The following MEF2A variants were observed in gnomAD, a reference collection of about 807,000 sequenced individuals.
The protein encoded by MEF2A is myocyte enhancer factor 2A.
In MEF2A, 28 loss-of-function variants were observed where a neutral mutation model predicts 55.8. The ratio of observed to expected loss-of-function variants is 0.50; its 90% confidence interval spans 0.37 to 0.69. The LOEUF (loss-of-function observed/expected upper bound fraction) is 0.69. MEF2A is among the 30% of genes least tolerant of loss of function. The probability of loss-of-function intolerance (pLI) is 0.00; values close to 1 mark genes in which losing one functional copy is unlikely to be tolerated. For synonymous variants in MEF2A, 239 were observed against 227.1 expected (o/e 1.05, Z -0.47); for missense variants, 528 against 626.2 (o/e 0.84, Z 1.67).
intron 2 of MEF2A, among the ~76,000 whole-genome samples, chr15:99,601,845 G>C (rs1344285730): frequency 7.6e-6 from 1 of 131,872 alleles, no homozygotes; most frequent in East Asian, 2.1e-4. Flanking sequence ...GTGTGTGTGT[G>C]TGTGTGTGTG....
rs1304325931 is a variant in MEF2A at position 99,671,395 on chromosome 15, T to C, written c.331T>C (p.Ser111Pro). 6.2e-7 allele frequency: 1 copy of C among 1,613,944 alleles called. No individual in the cohort carries two copies. Among genetic ancestry groups the C allele is most frequent in the Admixed American group, 1.7e-5 (1 of 60,032 alleles). Reference sequence around the variant, plus strand: ...CGATTACTTTGAGCACAGTCCACTCTCGGAGGACAGATTCAGCAAACTAAA... The same window carrying C: ...CGATTACTTTGAGCACAGTCCACTCCCGGAGGACAGATTCAGCAAACTAAA... ...ADDYFEHSPL[S>P]EDRFSKLNED... Residue 111 changes from serine (S) to proline (P), a missense_variant, in exon 5 of 12, where the codon TCG becomes CCG. Around this residue, in one of 2 missense-constraint regions of MEF2A, gnomAD observed 78 missense variants for 150.9 expected, o/e 0.52. Coordinates refer to ENST00000557942, the MANE Select transcript of MEF2A (RefSeq NM_001319206.4).
Position 99,712,460 on chromosome 15 carries a change from G to A in MEF2A, c.1207G>A (p.Glu403Lys), listed in dbSNP as rs2058744428. The part of the protein sequence containing the change: ...NTNQNISIKS[E>K]PISPPRDRMT... ...CAACCAAAACATCAGCATCAAGTCC[G>A]AACCGATTTCACCTCCTCGGGATCG... The change falls in exon 12 of 12, where the codon GAA becomes AAA. Residue 403 changes from glutamate to lysine, a missense_variant. Glu to Lys is a moderately conservative substitution (Grantham distance 56). This residue lies in a region of MEF2A where 450 missense variants were observed against 475.3 expected (regional missense o/e 0.95). Transcript: ENST00000557942. This position sits in a 1 kb window ranked among gnomAD's most constrained non-coding sequence, Gnocchi z 4.1. 16 of 1,551,314 alleles carry A rather than the reference G, an allele frequency of 1.0e-5. No individual in the cohort carries two copies. Among genetic ancestry groups the A allele is most frequent in the East Asian group, 2.4e-5 (1 of 40,892 alleles).
chr15:99,705,782 T>C (rs1159266438), intron 9 of MEF2A, among the ~76,000 whole-genome samples: 1 of 152,240 alleles, frequency 6.6e-6, no homozygotes, highest in Non-Finnish European at 1.5e-5. Flanking sequence ...TTTACTGATT[T>C]GGCTCAGACC....
intron 3 of MEF2A, among the ~76,000 whole-genome samples, chr15:99,640,219 G>C (rs569949661): frequency 1.2e-4 from 19 of 152,116 alleles, no homozygotes; most frequent in African/African-American, 4.3e-4. Flanking sequence ...GTGACTTTTT[G>C]TTTTTTGTTC....
At chr15:99,618,226 C>G (rs760755416) in intron 2 of MEF2A, among the ~76,000 whole-genome samples, 1 of 152,104 alleles carries the variant, frequency 6.6e-6, no homozygotes, top group Non-Finnish European at 1.5e-5. Context: ...TAAGAAGGAT[C>G]GAGAATCACT....
chr15:99,628,982 T>TTTTTTTC (rs2042483979), intron 2 of MEF2A, among the ~76,000 whole-genome samples: 1 of 138,134 alleles, frequency 7.2e-6, no homozygotes, highest in Non-Finnish European at 1.6e-5. Flanking sequence ...TTTTTTTTTG[T>TTTTTTTC]CAGATACAAA....
intron 8 of MEF2A, among the ~76,000 whole-genome samples, chr15:99,691,558 C>T (rs1287268167): frequency 1.3e-5 from 2 of 151,870 alleles, no homozygotes; most frequent in South Asian, 2.1e-4. Context: ...ATTAGCCGGG[C>T]GTGGTGGCGC....
intron 11 of MEF2A, among the ~76,000 whole-genome samples, chr15:99,711,588 G>C (rs751783870): frequency 6.6e-6 from 1 of 152,184 alleles, no homozygotes; most frequent in Non-Finnish European, 1.5e-5. Context: ...TGGCTGCCTT[G>C]CCTGTGCTCT....
chr15:99,710,144 C>T lies in MEF2A; in HGVS notation c.1010-490C>T, dbSNP rs199771331. 2.0e-5 allele frequency among the ~76,000 whole-genome samples: 3 copies of T among 152,206 alleles called. No homozygotes were observed. In the East Asian group the frequency reaches 5.8e-4, roughly 29 times the overall value. On this transcript the variant is annotated intron_variant, in intron 10 of 11. Transcript: ENST00000557942. ...AATCATCCCAGACAAAGAAATATTG[C>T]TAGATCCTGTAAATCTTCCAAGAAA...
At chr15:99,678,059 TAAC>T (rs1362090417) in intron 7 of MEF2A, among the ~76,000 whole-genome samples, 1 of 152,190 alleles carries the variant, frequency 6.6e-6, no homozygotes, top group East Asian at 1.9e-4. Flanking sequence ...CAAATTGAAT[TAAC>T]AAAACAAATA....
At chr15:99,605,853 G>A (rs994006349) in intron 2 of MEF2A, among the ~76,000 whole-genome samples, 1 of 151,964 alleles carries the variant, frequency 6.6e-6, no homozygotes, top group African/African-American at 2.4e-5. Flanking sequence ...GCCTGTAGTC[G>A]CAGCCACTCA....
At chr15:99,619,096 T>C (rs1464719038) in intron 2 of MEF2A, among the ~76,000 whole-genome samples, 1 of 152,172 alleles carries the variant, frequency 6.6e-6, no homozygotes, top group African/African-American at 2.4e-5. Flanking sequence ...AGAACCAGGC[T>C]GTGAGAGCGG....
chr15:99,566,182 G>A (rs1959206837), intron 1 of MEF2A, 78 bp downstream of exon 1: 1 of 140,990 alleles, frequency 7.1e-6, no homozygotes, highest in Non-Finnish European at 1.5e-5. Context: ...TTAGGGGACC[G>A]AGTAGGGGTT....
At chr15:99,623,764 A>G (rs1450619739) in intron 2 of MEF2A, among the ~76,000 whole-genome samples, 2 of 147,298 alleles carry the variant, frequency 1.4e-5, no homozygotes, top group Admixed American at 6.8e-5. Context: ...GTTTTTAAAT[A>G]TATTCTGGAT....
intron 1 of MEF2A, among the ~76,000 whole-genome samples, chr15:99,582,264 T>C (rs976565986): frequency 5.9e-5 from 9 of 152,250 alleles, no homozygotes; most frequent in Admixed American, 5.2e-4. Flanking sequence ...AGTGATAGGC[T>C]CATTCTTTGA....
chr15:99,700,668 C>T (rs1389858134), intron 8 of MEF2A, among the ~76,000 whole-genome samples: 1 of 152,096 alleles, frequency 6.6e-6, no homozygotes, highest in Non-Finnish European at 1.5e-5. Flanking sequence ...TTTTCTAATA[C>T]AAGGACTCAG....
chr15:99,681,915 C>A (rs1318214811), intron 7 of MEF2A: 2 of 152,136 alleles, frequency 1.3e-5, no homozygotes, highest in Non-Finnish European at 2.9e-5. Flanking sequence ...TCAAACAGTT[C>A]TTTGTACAAA....
intron 2 of MEF2A, among the ~76,000 whole-genome samples, chr15:99,603,937 C>T (rs150361278): frequency 1.1e-3 from 167 of 152,144 alleles, no homozygotes; most frequent in African/African-American, 2.4e-3. Flanking sequence ...TAGGTGCATG[C>T]GTAATAAGGG....
rs1423493333 is a variant in MEF2A at position 99,712,369 on chromosome 15, T to C, written c.1137-21T>C. 2.0e-6 allele frequency: 3 copies of C among 1,507,558 alleles called. No individual in the cohort carries two copies. Among genetic ancestry groups the C allele is most frequent in the Non-Finnish European group, 2.7e-6 (3 of 1,121,132 alleles). The allele number at this position is 1,507,558 out of a possible 1,614,324, so 93.4% of individuals were successfully genotyped here. Reference sequence around the variant, plus strand: ...AGAGGTACTTGCAAGCCATCTGACCTCTCTCTTTTTTTTCCTTCAGTGCTG... The same window carrying C: ...AGAGGTACTTGCAAGCCATCTGACCCCTCTCTTTTTTTTCCTTCAGTGCTG... On this transcript the variant is annotated intron_variant, in intron 11 of 11. Coordinates refer to ENST00000557942, the MANE Select transcript of MEF2A (RefSeq NM_001319206.4). The surrounding 1 kb of genome is among the most constrained non-coding windows in gnomAD (Gnocchi z 4.1).
Sources: allele counts gnomAD v4.1 joint callset (sites outside exome capture counted in the v4.1 genomes callset), GRCh38; gene constraint gnomAD v4.1.1; regional missense constraint gnomAD v4.1.1; non-coding constraint Gnocchi (gnomAD v3.1); transcripts MANE v1.5; gene names NCBI Gene and HGNC (gene_info 2026-07-23, HGNC 2026-07-21).